SH3BP5L: variants seen among roughly 807,000 people sequenced by gnomAD.
The protein encoded by SH3BP5L is SH3 binding domain protein 5 like.
Under a neutral mutation model 40.9 loss-of-function variants are expected in SH3BP5L, and 16 were observed. The observed-to-expected ratio is 0.39, with a 90% CI of 0.27 to 0.59. The LOEUF (loss-of-function observed/expected upper bound fraction) is 0.59, where lower values mean the gene tolerates loss of function less well. SH3BP5L is among the 20% of genes least tolerant of loss of function. The pLI, the probability that SH3BP5L is intolerant of heterozygous loss-of-function variation, is 0.53. For synonymous variants in SH3BP5L, 229 were observed against 226.7 expected (o/e 1.01, Z -0.09); for missense variants, 471 against 544.6 (o/e 0.86, Z 1.35).
chr1:248,818,513 G>T (rs908511924), intron 2 of SH3BP5L, among the ~76,000 whole-genome samples: 3 of 152,196 alleles, frequency 2.0e-5, no homozygotes, highest in Non-Finnish European at 4.4e-5. Flanking sequence ...GAAGCCTTTT[G>T]GCCTGCTTGG....
rs773598097 is a variant in SH3BP5L at position 248,810,947 on chromosome 1, C to G, written c.*953G>C. The G allele has an allele frequency of 3.9e-5, 6 of 152,692 alleles. No homozygotes were observed. The highest frequency in any genetic ancestry group is 7.3e-5 in the Non-Finnish European group (5 of 68,100). The allele number at this position is 152,692 out of a possible 1,614,324, so 9.5% of individuals were successfully genotyped here. A position where few individuals can be genotyped will look rare whatever the true frequency, so the allele number is the denominator to read the frequency against. ...AGAGCAAGGGAGAGCAATTGAGCACCAAATTCCCTAACCCCGTCCTGCAGG... is the reference window on the plus strand; with the variant it reads ...AGAGCAAGGGAGAGCAATTGAGCACGAAATTCCCTAACCCCGTCCTGCAGG... On this transcript the variant is annotated 3_prime_UTR_variant, in exon 7 of 7. Coordinates refer to ENST00000366472, the MANE Select transcript of SH3BP5L (RefSeq NM_030645.3).
chr1:248,817,770 T>C (rs1039660807), intron 2 of SH3BP5L, among the ~76,000 whole-genome samples: 2 of 152,030 alleles, frequency 1.3e-5, no homozygotes, highest in African/African-American at 4.8e-5. Context: ...GGAGAATCAC[T>C]TGAACCTGGG....
chr1:248,815,433 T>C (rs1042891231), intron 4 of SH3BP5L, among the ~76,000 whole-genome samples: 32 of 152,220 alleles, frequency 2.1e-4, no homozygotes, highest in East Asian at 9.6e-4. Context: ...ATATGATTAA[T>C]ACAGCACACA....
rs774297070 is a variant in SH3BP5L, at chr1:248,811,937, G to A, written c.1145C>T (p.Ala382Val). 22 of 1,553,994 alleles carry A rather than the reference G, an allele frequency of 1.4e-5. 1 individual carries two copies. In the South Asian group the frequency reaches 2.5e-4, roughly 17 times the overall value. ...SGGRRGSDGG[A>V]RGGRHQRSVS... Reference sequence around the variant, plus strand: ...GCTGCGCTGGTGCCGACCCCCACGGGCTCCGCCGTCGCTGCCCCGGCGCCC... The same window carrying A: ...GCTGCGCTGGTGCCGACCCCCACGGACTCCGCCGTCGCTGCCCCGGCGCCC... The change falls in exon 7 of 7, where the codon GCC (alanine) becomes GTC (valine). Residue 382 changes from alanine (A) to valine (V), a missense_variant. Ala to Val is a moderately conservative substitution (Grantham distance 64, BLOSUM62 0). Around this residue, in one of 2 missense-constraint regions of SH3BP5L, gnomAD observed 196 missense variants for 174.6 expected, o/e 1.12. Transcript: ENST00000366472.
chr1:248,813,520 T>C (rs1244460322), intron 5 of SH3BP5L: 6 of 242,946 alleles, frequency 2.5e-5, no homozygotes, highest in South Asian at 3.4e-4. Context: ...CTTGAGAGCA[T>C]CAGGGGAATG....
At chr1:248,816,932 T>C (rs1664123491) in intron 2 of SH3BP5L, 48 bp from the exon 3 acceptor site, 34 of 1,613,374 alleles carry the variant, frequency 2.1e-5, no homozygotes, top group Non-Finnish European at 2.8e-5. Context: ...GGAAGTAGCC[T>C]TGAATGAACC....
In SH3BP5L at chr1:248,813,052, C is replaced by A. The variant is rs756993487; in HGVS notation, c.648G>T (p.Arg216=). The A allele has an allele frequency of 1.2e-6, 2 of 1,611,776 alleles. No homozygotes were observed. The highest frequency in any genetic ancestry group is 2.2e-5 in the South Asian group (2 of 90,872). Residue 216 remains arginine, a synonymous_variant, in exon 6 of 7, where the codon CGG becomes CGT. Coordinates refer to ENST00000366472, the MANE Select transcript of SH3BP5L (RefSeq NM_030645.3). The part of the protein sequence containing the change: ...ARVQALQKTL[R]RAIGKSRPYF... ...AGGGGCGGCTCTTGCCGATGGCCCT[C>A]CGGAGGGTCTTCTGCAGGGCTTGGA...
chr1:248,814,048 T>C (rs944709787), intron 5 of SH3BP5L: 32 of 200,590 alleles, frequency 1.6e-4, no homozygotes, highest in African/African-American at 7.5e-4. Flanking sequence ...AAATGATACA[T>C]AAATTATACT....
intron 2 of SH3BP5L, among the ~76,000 whole-genome samples, chr1:248,817,577 G>A (rs1322528819): frequency 6.6e-6 from 1 of 152,230 alleles, no homozygotes; most frequent in African/African-American, 2.4e-5. Flanking sequence ...GAATGACTAG[G>A]CAAGGTGGCT....
Position 248,821,787 on chromosome 1 carries a change from C to T in SH3BP5L, c.183+2966G>A, listed in dbSNP as rs1362623392. Among the ~76,000 whole-genome samples the T allele has an allele frequency of 1.3e-5, 2 of 152,150 alleles. No homozygotes were observed. The highest frequency in any genetic ancestry group is 2.9e-5 in the Non-Finnish European group (2 of 68,012). Reference sequence around the variant, plus strand: ...CAGCCAGCAGCCTTCCCTGGAGGGACAGCACGCTCCAGGTAGGCACCAGCT... The same window carrying T: ...CAGCCAGCAGCCTTCCCTGGAGGGATAGCACGCTCCAGGTAGGCACCAGCT... On this transcript the variant is annotated intron_variant, in intron 2 of 6. Transcript: ENST00000366472. This position sits in a 1 kb window ranked among gnomAD's most constrained non-coding sequence, Gnocchi z 4.6.
chr1:248,815,063 C>T (rs1490430203), intron 4 of SH3BP5L, among the ~76,000 whole-genome samples: 2 of 152,168 alleles, frequency 1.3e-5, no homozygotes, highest in African/African-American at 4.8e-5. Flanking sequence ...AAAAACAAAA[C>T]AAACCTAACT....
At chr1:248,824,123 G>A (rs1315307770) in intron 2 of SH3BP5L, among the ~76,000 whole-genome samples, 4 of 152,178 alleles carry the variant, frequency 2.6e-5, no homozygotes, top group African/African-American at 9.7e-5. Flanking sequence ...TATCCTGAGG[G>A]CCAGGTATGT....
chr1:248,814,403 T>C (rs758250761), intron 5 of SH3BP5L, 46 bp downstream of exon 5: 1 of 1,605,724 alleles, frequency 6.2e-7, no homozygotes, highest in South Asian at 1.1e-5. Context: ...TAGCAAAGGA[T>C]GGACGAGAAC....
chr1:248,824,722 C>T, intron 2 of SH3BP5L, 31 bp downstream of exon 2: 1 of 1,608,466 alleles, frequency 6.2e-7, no homozygotes, highest in African/African-American at 1.3e-5. Context: ...AATCTGGGCT[C>T]TCCTTCTCTC....
At chr1:248,814,299 C>G (rs1204040765) in intron 5 of SH3BP5L, 150 bp downstream of exon 5, 1 of 856,838 alleles carries the variant, frequency 1.2e-6, no homozygotes, top group Non-Finnish European at 1.8e-6. Flanking sequence ...CCAAACAGAA[C>G]AGAAAACTAG....
At chr1:248,814,987 G>A in intron 4 of SH3BP5L, 1 of 361,348 alleles carries the variant, frequency 2.8e-6, no homozygotes, top group Non-Finnish European at 5.4e-6. Flanking sequence ...ATGTTCAGCA[G>A]GCAAGCTGAA....
Position 248,812,623 on chromosome 1 carries a change from C to T in SH3BP5L, c.712-253G>A, listed in dbSNP as rs887113497. On this transcript the variant is annotated intron_variant, in intron 6 of 6. Transcript: ENST00000366472. The surrounding 1 kb of genome is among the most constrained non-coding windows in gnomAD (Gnocchi z 6.1). ...TGCTCCTGACCTGAGCCCCACCTTC[C>T]AGAGCCTTCCTCTCAGGCCTTCCTC... 2.6e-5 allele frequency among the ~76,000 whole-genome samples: 4 copies of T among 152,144 alleles called. No homozygotes were observed. The highest frequency in any genetic ancestry group is 5.9e-5 in the Non-Finnish European group (4 of 68,020).
At chr1:248,813,478 C>T (rs1664013858) in intron 5 of SH3BP5L, 1 of 317,256 alleles carries the variant, frequency 3.2e-6, no homozygotes, top group African/African-American at 2.1e-5. Context: ...TTTGCTGCTG[C>T]CAGGAAAGGG....
intron 2 of SH3BP5L, among the ~76,000 whole-genome samples, chr1:248,823,624 A>G (rs1173087273): frequency 4.6e-5 from 7 of 152,060 alleles, no homozygotes; most frequent in East Asian, 1.9e-4. Context: ...CATTATAAGC[A>G]TGGACACAGT....
Sources: allele counts gnomAD v4.1 joint callset (sites outside exome capture counted in the v4.1 genomes callset), GRCh38; gene constraint gnomAD v4.1.1; regional missense constraint gnomAD v4.1.1; non-coding constraint Gnocchi (gnomAD v3.1); transcripts MANE v1.5; gene names NCBI Gene and HGNC (gene_info 2026-07-23, HGNC 2026-07-21).